Variants in ANK2 observed in about 807,000 individuals in gnomAD.
ANK2 encodes the protein ankyrin 2, also known as ankyrin-2.
In ANK2, 83 loss-of-function variants were observed where a neutral mutation model predicts 360.5. That is an observed-to-expected ratio of 0.23 (90% CI 0.19 to 0.28). ANK2 has a LOEUF of 0.28. Among genes scored for constraint, ANK2 ranks in the 10% least tolerant of loss-of-function variants. The pLI, the probability that ANK2 is intolerant of heterozygous loss-of-function variation, is 1.00. For synonymous variants in ANK2, 1,740 were observed against 1,759.5 expected (o/e 0.99, Z 0.28); for missense variants, 4,201 against 4,795.7 (o/e 0.88, Z 3.66).
At chr4:113,118,090 T>C (rs755049265) in intron 1 of ANK2, among the ~76,000 whole-genome samples, 3 of 152,248 alleles carry the variant, frequency 2.0e-5, no homozygotes, top group African/African-American at 4.8e-5. Flanking sequence ...GGATGAAATG[T>C]TGATTCCTTT....
At position 113,100,839 on chromosome 4, in the gene ANK2, G is replaced by C. The variant is rs2154359575; in HGVS notation, c.84+51027G>C. ...CAAAAAAATATGCAGCAGCTGTAAG[G>C]GCATATGGCTAAGTGAAGAAACAAG... On this transcript the variant is annotated intron_variant, in intron 1 of 45. Coordinates refer to ENST00000357077, the MANE Select transcript of ANK2 (RefSeq NM_001148.6). Among the ~76,000 whole-genome samples, 5 of 152,200 alleles carry C rather than the reference G, an allele frequency of 3.3e-5. 1 individual carries two copies. In the Middle Eastern group the frequency reaches 0.017, roughly 518 times the overall value.
intron 2 of ANK2, among the ~76,000 whole-genome samples, chr4:113,037,248 T>C (rs1261546914): frequency 6.6e-6 from 1 of 151,940 alleles, no homozygotes; most frequent in Non-Finnish European, 1.5e-5. Context: ...ATAAATAAAA[T>C]TGGAAATGTT....
intron 1 of ANK2, among the ~76,000 whole-genome samples, chr4:112,860,018 T>C (rs921641816): frequency 6.6e-6 from 1 of 152,206 alleles, no homozygotes; most frequent in Admixed American, 6.5e-5. Flanking sequence ...GGATGGTATG[T>C]ACCAGCAAAT....
intron 2 of ANK2, among the ~76,000 whole-genome samples, chr4:112,921,806 A>C (rs1304729847): frequency 6.6e-6 from 1 of 151,774 alleles, no homozygotes. Flanking sequence ...TCTTCTGTGG[A>C]TACTACTTAG....
chr4:113,320,379 C>T (rs573871187), intron 26 of ANK2, among the ~76,000 whole-genome samples: 8 of 152,274 alleles, frequency 5.3e-5, no homozygotes, highest in East Asian at 3.9e-4. Context: ...GCTGGCCAGG[C>T]GCAGTGGCTC....
intron 2 of ANK2, among the ~76,000 whole-genome samples, chr4:112,979,236 A>C (rs554941514): frequency 6.6e-6 from 1 of 152,296 alleles, no homozygotes; most frequent in Admixed American, 6.5e-5. Flanking sequence ...ACCACTGCGC[A>C]GTCAGGTGTG....
chr4:113,355,701 C>T lies in ANK2; in HGVS notation c.7083C>T (p.His2361=). Reference sequence around the variant, plus strand: ...AACGTACCTTTGGTAGTTCAGCCCACAAGACACAAACTGATAGTGAGGTTC... The same window carrying T: ...AACGTACCTTTGGTAGTTCAGCCCATAAGACACAAACTGATAGTGAGGTTC... The part of the protein sequence containing the change: ...EGQRTFGSSA[H]KTQTDSEVQE... Residue 2361 remains histidine, a synonymous_variant, in exon 38 of 46, where the codon CAC becomes CAT. Transcript: ENST00000357077. 6.2e-7 allele frequency: 1 copy of T among 1,614,126 alleles called. No homozygotes were observed. Among genetic ancestry groups the T allele is most frequent in the Non-Finnish European group, 8.5e-7 (1 of 1,179,994 alleles).
intron 1 of ANK2, among the ~76,000 whole-genome samples, chr4:113,071,129 C>T (rs1480083506): frequency 1.3e-5 from 2 of 152,308 alleles, no homozygotes; most frequent in East Asian, 3.9e-4. Context: ...AAAATAATTA[C>T]TGCTTCTAAT....
intron 3 of ANK2, among the ~76,000 whole-genome samples, chr4:113,198,561 AAACAT>A (rs765577769): frequency 3.3e-5 from 5 of 152,168 alleles, no homozygotes; most frequent in Non-Finnish European, 5.9e-5. Context: ...CAGTAGCTGC[AAACAT>A]AACTATAAGC....
At chr4:112,781,255 A>C in the ANK2 span, among the ~76,000 whole-genome samples, 1 of 152,020 alleles carries the variant, frequency 6.6e-6, no homozygotes, top group Non-Finnish European at 1.5e-5. Flanking sequence ...GCCTGCCACC[A>C]CGCCTAGCTA....
chr4:113,298,257 T>C (rs1165818273), intron 22 of ANK2, among the ~76,000 whole-genome samples: 1 of 152,190 alleles, frequency 6.6e-6, no homozygotes, highest in Non-Finnish European at 1.5e-5. Context: ...ATATTTAATT[T>C]AGTTATTAAA....
At chr4:112,776,842 T>A in the ANK2 span, among the ~76,000 whole-genome samples, 1 of 152,118 alleles carries the variant, frequency 6.6e-6, no homozygotes, top group Non-Finnish European at 1.5e-5. Flanking sequence ...ATATTTGGTC[T>A]TTCTAGGAAT....
At chr4:113,231,045 CTT>C (rs1331185055) in intron 4 of ANK2, among the ~76,000 whole-genome samples, 5 of 139,980 alleles carry the variant, frequency 3.6e-5, no homozygotes, top group African/African-American at 1.3e-4. Flanking sequence ...TTTACATTTT[CTT>C]TTTTTTTTTT....
chr4:113,284,127 T>C (rs1395348065), intron 18 of ANK2, among the ~76,000 whole-genome samples: 1 of 152,186 alleles, frequency 6.6e-6, no homozygotes, highest in African/African-American at 2.4e-5. Flanking sequence ...TTCCAAAGGA[T>C]AGTTGCATTT....
chr4:113,196,508 C>A, intron 3 of ANK2, 42 bp downstream of exon 3: 2 of 1,496,116 alleles, frequency 1.3e-6, no homozygotes, highest in Non-Finnish European at 1.9e-6. Context: ...CTTAGAAAAG[C>A]GAAAATAATT....
chr4:113,354,939 G>C lies in ANK2; in HGVS notation c.6321G>C (p.Glu2107Asp). ...QSVPEEESHR[E>D]SEVPKEKMAD... Reference sequence around the variant, plus strand: ...TGCCTGAAGAAGAAAGCCACAGAGAGAGCGAAGTGCCCAAAGAAAAGATGG... The same window carrying C: ...TGCCTGAAGAAGAAAGCCACAGAGACAGCGAAGTGCCCAAAGAAAAGATGG... The change falls in exon 38 of 46, where the codon GAG (glutamate) becomes GAC (aspartate). Residue 2107 changes from glutamate (E) to aspartate (D), a missense_variant. Around this residue, in one of 4 missense-constraint regions of ANK2, gnomAD observed 2,642 missense variants for 2,714.5 expected, o/e 0.97. Transcript: ENST00000357077. 6.2e-7 allele frequency: 1 copy of C among 1,614,094 alleles called. No homozygotes were observed. Among genetic ancestry groups the C allele is most frequent in the East Asian group, 2.2e-5 (1 of 44,862 alleles).
intron 1 of ANK2, among the ~76,000 whole-genome samples, chr4:112,895,244 A>G (rs531400557): frequency 7.2e-4 from 109 of 152,298 alleles, no homozygotes; most frequent in African/African-American, 2.5e-3. Flanking sequence ...TACAGATGGC[A>G]CCAAAAAACC....
the ANK2 span, among the ~76,000 whole-genome samples, chr4:112,792,413 A>T: frequency 6.6e-6 from 1 of 152,162 alleles, no homozygotes. Flanking sequence ...AGGATATCAG[A>T]ATTGGACCTA....
chr4:113,226,382 C>T (rs2099222041), intron 4 of ANK2, among the ~76,000 whole-genome samples: 1 of 152,168 alleles, frequency 6.6e-6, no homozygotes, highest in African/African-American at 2.4e-5. Context: ...TCCGTATGTC[C>T]TGTGTTGTCT....
Sources: gnomAD v4.1 joint callset for allele counts (sites outside exome capture counted in the v4.1 genomes callset) on GRCh38, gnomAD v4.1.1 for gene constraint, gnomAD v4.1.1 regional missense constraint, MANE v1.5 for transcripts, NCBI Gene and HGNC (gene_info 2026-07-23, HGNC 2026-07-21) for gene names.